GALNT13: variants seen among roughly 807,000 people sequenced by gnomAD.
GALNT13 encodes the protein UDP-GalNAc:polypeptide N-acetylgalactosaminyltransferase 13.
GALNT13 carries 28 observed loss-of-function variants against 64.2 expected under a neutral mutation model. The ratio of observed to expected loss-of-function variants is 0.44; its 90% CI spans 0.32 to 0.60. The LOEUF is 0.60. Among genes scored for constraint, GALNT13 ranks in the 20% least tolerant of loss-of-function variants. GALNT13 has a pLI of 0.05. For synonymous variants in GALNT13, 214 were observed against 224.6 expected, an observed-to-expected ratio of 0.95 and a Z score of 0.42; for missense variants, 577 against 669.8, an observed-to-expected ratio of 0.86 and a Z score of 1.53.
chr2:153,765,167 G>A, the GALNT13 span, among the ~76,000 whole-genome samples: 1 of 152,182 alleles, frequency 6.6e-6, no homozygotes, highest in Non-Finnish European at 1.5e-5. Flanking sequence ...GTGAGAAGAG[G>A]GCCACTGTCC....
chr2:154,440,469 G>A (rs1396591541), intron 12 of GALNT13, among the ~76,000 whole-genome samples: 1 of 151,810 alleles, frequency 6.6e-6, no homozygotes, highest in Non-Finnish European at 1.5e-5. Flanking sequence ...AAAAAAATAG[G>A]TAGCTTCACA....
the GALNT13 span, among the ~76,000 whole-genome samples, chr2:153,493,561 A>T: frequency 6.6e-6 from 1 of 152,032 alleles, no homozygotes; most frequent in African/African-American, 2.4e-5. Context: ...TTGAAGAGGA[A>T]ATAAGACCAA....
chr2:154,014,064 G>A (rs543436162), intron 3 of GALNT13, among the ~76,000 whole-genome samples: 3 of 152,180 alleles, frequency 2.0e-5, no homozygotes, highest in Non-Finnish European at 2.9e-5. Flanking sequence ...AGGCTGCTCA[G>A]ATAGAAATGG....
At chr2:153,120,740 G>A in the GALNT13 span, among the ~76,000 whole-genome samples, 21,651 of 152,084 alleles carry the variant, frequency 0.14, 1,720 homozygotes, top group Middle Eastern at 0.2. Context: ...TTAGAAGCTT[G>A]GAGTTAGAGC....
At chr2:153,560,086 C>T in the GALNT13 span, among the ~76,000 whole-genome samples, 1 of 151,730 alleles carries the variant, frequency 6.6e-6, no homozygotes. Flanking sequence ...ACATGGTATC[C>T]TAGGATCATC....
the GALNT13 span, among the ~76,000 whole-genome samples, chr2:153,834,396 C>A: frequency 3.4e-4 from 52 of 152,116 alleles, no homozygotes; most frequent in Admixed American, 3.4e-3. Flanking sequence ...AAGATAAAAG[C>A]CAAAGAATCT....
At chr2:153,484,327 T>A in the GALNT13 span, among the ~76,000 whole-genome samples, 1 of 152,202 alleles carries the variant, frequency 6.6e-6, no homozygotes, top group Admixed American at 6.5e-5. Context: ...GAGTATAGTA[T>A]TCCATTATGT....
In GALNT13 at chr2:154,112,384, C is replaced by T. The variant is rs140504795; in HGVS notation, c.143-27953C>T. ...AAGAGGCTGAGTGGTGTCCACAGAA[C>T]GGGTCATCCTATTGACTTGATTATT... On this transcript the variant is annotated intron_variant, in intron 3 of 12. Transcript: ENST00000392825. Among the ~76,000 whole-genome samples, 19 of 152,270 alleles carry T rather than the reference C, an allele frequency of 1.2e-4. No homozygotes were observed. The East Asian group carries it at 3.3e-3, about 26-fold the overall frequency.
the GALNT13 span, among the ~76,000 whole-genome samples, chr2:153,509,989 A>C: frequency 2.0e-5 from 3 of 152,120 alleles, no homozygotes; most frequent in African/African-American, 4.8e-5. Context: ...ATGTTGTTTG[A>C]TTGCACTTAT....
chr2:154,168,672 T>TAAAAA (rs1559001255), intron 4 of GALNT13, among the ~76,000 whole-genome samples: 2 of 119,034 alleles, frequency 1.7e-5, no homozygotes, highest in African/African-American at 3.8e-5. Context: ...ATCTCTACTA[T>TAAAAA]TAAAAAAAAA....
At chr2:153,836,523 T>C in the GALNT13 span, among the ~76,000 whole-genome samples, 1 of 151,912 alleles carries the variant, frequency 6.6e-6, no homozygotes, top group African/African-American at 2.4e-5. Context: ...TTATATTTAT[T>C]ATACTTTAAG....
chr2:153,854,146 C>T, the GALNT13 span, among the ~76,000 whole-genome samples: 1 of 151,732 alleles, frequency 6.6e-6, no homozygotes, highest in Non-Finnish European at 1.5e-5. Flanking sequence ...CTAAAAAACC[C>T]AAAGTAACCA....
intron 2 of GALNT13, among the ~76,000 whole-genome samples, chr2:153,936,005 T>G (rs902572543): frequency 6.6e-6 from 1 of 152,204 alleles, no homozygotes; most frequent in Non-Finnish European, 1.5e-5. Context: ...AACAGAGACA[T>G]TTTTACAAAA....
chr2:153,964,868 T>C (rs1423332341), intron 3 of GALNT13, among the ~76,000 whole-genome samples: 1 of 152,088 alleles, frequency 6.6e-6, no homozygotes, highest in African/African-American at 2.4e-5. Flanking sequence ...AGATATCCTT[T>C]AAAAATATGG....
chr2:153,245,994 G>A, the GALNT13 span, among the ~76,000 whole-genome samples: 18 of 151,626 alleles, frequency 1.2e-4, no homozygotes, highest in Admixed American at 3.3e-4. Flanking sequence ...TAAGAACTTC[G>A]TAAAGCATAC....
At chr2:154,211,395 G>T (rs1573884407) in intron 4 of GALNT13, among the ~76,000 whole-genome samples, 1 of 151,862 alleles carries the variant, frequency 6.6e-6, no homozygotes, top group East Asian at 1.9e-4. Context: ...GGAAGGCCGA[G>T]GTGGGCAGAT....
chr2:153,643,993 A>G, the GALNT13 span, among the ~76,000 whole-genome samples: 1 of 152,076 alleles, frequency 6.6e-6, no homozygotes, highest in East Asian at 1.9e-4. Flanking sequence ...CTTTAATATC[A>G]GGAAGAATGC....
chr2:154,150,711 T>C (rs1474981872), intron 4 of GALNT13, among the ~76,000 whole-genome samples: 1 of 152,242 alleles, frequency 6.6e-6, no homozygotes. Flanking sequence ...TCTAGTTTAT[T>C]TGCATAGAGG....
intron 9 of GALNT13, among the ~76,000 whole-genome samples, chr2:154,385,565 AGTCTTAATT>A (rs1270986640): frequency 6.6e-6 from 1 of 152,038 alleles, no homozygotes; most frequent in African/African-American, 2.4e-5. Context: ...AACCATTCAA[AGTCTTAATT>A]CTTTCATCCT....
Sources: gnomAD v4.1 joint callset for allele counts (sites outside exome capture counted in the v4.1 genomes callset) on GRCh38, gnomAD v4.1.1 for gene constraint, MANE v1.5 for transcripts, NCBI Gene and HGNC (gene_info 2026-07-23, HGNC 2026-07-21) for gene names.